FREM3: variants seen among roughly 807,000 people sequenced by gnomAD.
The protein encoded by FREM3 is FRAS1-related extracellular matrix protein 3.
Under a neutral mutation model 129.1 loss-of-function variants are expected in FREM3, and 105 were observed. That is an observed-to-expected ratio of 0.81 (90% CI 0.69 to 0.96). The LOEUF (loss-of-function observed/expected upper bound fraction) is 0.96, where lower values mean the gene tolerates loss of function less well. Among genes scored for constraint, FREM3 ranks in the 40% least tolerant of loss-of-function variants. FREM3 has a pLI of 0.00. For synonymous variants in FREM3, 1,014 were observed against 1,044.9 expected (o/e 0.97, Z 0.57); for missense variants, 2,593 against 2,666.3 (o/e 0.97, Z 0.61).
At chr4:143,683,259 G>A (rs1328098136) in intron 2 of FREM3, among the ~76,000 whole-genome samples, 2 of 152,172 alleles carry the variant, frequency 1.3e-5, no homozygotes, top group African/African-American at 4.8e-5. Flanking sequence ...TCTACTGCAA[G>A]AACAAACCAG....
intron 2 of FREM3, among the ~76,000 whole-genome samples, chr4:143,674,637 C>T (rs1740071585): frequency 6.6e-6 from 1 of 152,146 alleles, no homozygotes. Flanking sequence ...GTGCTGTTTT[C>T]AGCAAACCCA....
Position 143,695,683 on chromosome 4 carries a change from T to C in FREM3, c.4993A>G (p.Asn1665Asp). The change falls in exon 1 of 8, where the codon AAC becomes GAC. Residue 1665 changes from asparagine to aspartate, a missense_variant. Physicochemically the swap from Asn to Asp is conservative, Grantham distance 23. This residue lies in a region of FREM3 where 2,276 missense variants were observed against 2,267.2 expected (regional missense o/e 1.00). Transcript: ENST00000329798. ...CGCTTCAAGGCTGGGGCACCCCTGTTGGTAGTAATCTGGGGAAGCCTATTG... is the reference window on the plus strand; with the variant it reads ...CGCTTCAAGGCTGGGGCACCCCTGTCGGTAGTAATCTGGGGAAGCCTATTG... The part of the protein sequence containing the change: ...LDNRLPQITT[N>D]RGAPALKRLH... The C allele has an allele frequency of 1.3e-6, 2 of 1,537,230 alleles. No individual in the cohort carries two copies. Among genetic ancestry groups the C allele is most frequent in the East Asian group, 4.9e-5 (2 of 40,916 alleles).
chr4:143,698,801 T>G lies in FREM3; in HGVS notation c.1875A>C (p.Glu625Asp). Residue 625 changes from glutamate to aspartate, a missense_variant, in exon 1 of 8, where the codon GAA becomes GAC. By Grantham distance (45) the Glu-to-Asp change is conservative (BLOSUM62 2). Transcript: ENST00000329798. ...TTTCCATGTAGTGCCAGTCTTCATC[T>G]TCAGTTGAGAGAGGTAGTTCAGCCT... ...LQQAELPLST[E>D]DEDWHYMEKE... 1 of 1,537,716 alleles carries G rather than the reference T, an allele frequency of 6.5e-7. No individual in the cohort carries two copies.
intron 2 of FREM3, among the ~76,000 whole-genome samples, chr4:143,658,644 G>A (rs988714933): frequency 8.5e-5 from 13 of 152,230 alleles, no homozygotes; most frequent in African/African-American, 2.9e-4. Flanking sequence ...GGCGGCATGC[G>A]GCCCAGGATG....
At chr4:143,674,828 A>G in intron 2 of FREM3, among the ~76,000 whole-genome samples, 1 of 152,248 alleles carries the variant, frequency 6.6e-6, no homozygotes, top group East Asian at 1.9e-4. Context: ...GATCAATTCA[A>G]CAAGAAGAGC....
chr4:143,622,342 C>G (rs1157371871), intron 4 of FREM3, among the ~76,000 whole-genome samples: 4 of 151,232 alleles, frequency 2.6e-5, no homozygotes, highest in African/African-American at 9.7e-5. Flanking sequence ...GATCTGCCTG[C>G]CTCGGCCTCC....
intron 2 of FREM3, among the ~76,000 whole-genome samples, chr4:143,662,226 A>C (rs1309693725): frequency 6.6e-6 from 1 of 152,198 alleles, no homozygotes; most frequent in Non-Finnish European, 1.5e-5. Context: ...GTGGGCATTT[A>C]GTGCTACAAA....
At chr4:143,638,932 C>T (rs918412416) in intron 2 of FREM3, among the ~76,000 whole-genome samples, 1 of 152,138 alleles carries the variant, frequency 6.6e-6, no homozygotes, top group African/African-American at 2.4e-5. Flanking sequence ...TCACTTATTT[C>T]ATAGTCGATC....
rs1196064505 is a variant in FREM3 at position 143,697,884 on chromosome 4, G to A, written c.2792C>T (p.Pro931Leu). 3 of 1,537,892 alleles carry A rather than the reference G, an allele frequency of 2.0e-6. No individual in the cohort carries two copies. Among genetic ancestry groups the A allele is most frequent in the East Asian group, 4.9e-5 (2 of 40,914 alleles). Residue 931 changes from proline to leucine, a missense_variant, in exon 1 of 8, where the codon CCA becomes CTA. By Grantham distance (98) the Pro-to-Leu change is moderately conservative. Transcript: ENST00000329798. The part of the protein sequence containing the change: ...DGVHHIPITI[P>L]ISVHPNVANR... ...AGCCACATTGGGATGCACAGAAATT[G>A]GGATGGTGATGGGTATATGGTGCAC...
At chr4:143,639,049 T>C (rs758107591) in intron 2 of FREM3, among the ~76,000 whole-genome samples, 7 of 152,128 alleles carry the variant, frequency 4.6e-5, no homozygotes, top group Admixed American at 2.6e-4. Flanking sequence ...TATGTAAGGA[T>C]CCTTCTGTGT....
At chr4:143,652,009 A>G (rs1739519735) in intron 2 of FREM3, among the ~76,000 whole-genome samples, 1 of 152,176 alleles carries the variant, frequency 6.6e-6, no homozygotes, top group Non-Finnish European at 1.5e-5. Context: ...ACAAGTCCCT[A>G]GCTGTGTATA....
chr4:143,593,192 A>G (rs1191361530), intron 6 of FREM3, among the ~76,000 whole-genome samples: 3 of 151,990 alleles, frequency 2.0e-5, no homozygotes, highest in Non-Finnish European at 4.4e-5. Context: ...TTCCTCCTTT[A>G]GCTTGGAGTA....
chr4:143,594,185 C>T (rs768506392), intron 6 of FREM3, among the ~76,000 whole-genome samples: 6 of 152,210 alleles, frequency 3.9e-5, no homozygotes, highest in African/African-American at 7.2e-5. Flanking sequence ...CCGGGTGAGG[C>T]GATGCCTGGT....
chr4:143,659,435 T>TA (rs1739663350), intron 2 of FREM3, among the ~76,000 whole-genome samples: 4 of 152,210 alleles, frequency 2.6e-5, no homozygotes, highest in African/African-American at 9.7e-5. Context: ...GGCTGCATAG[T>TA]ATTCCATGGT....
At chr4:143,637,644 C>A (rs1368604884) in intron 2 of FREM3, among the ~76,000 whole-genome samples, 1 of 152,078 alleles carries the variant, frequency 6.6e-6, no homozygotes, top group Non-Finnish European at 1.5e-5. Flanking sequence ...GAGACTGCAA[C>A]ATTACAGGCT....
intron 2 of FREM3, among the ~76,000 whole-genome samples, chr4:143,650,615 T>G (rs1321854356): frequency 2.6e-5 from 4 of 152,214 alleles, no homozygotes; most frequent in African/African-American, 9.6e-5. Context: ...CTCAGCTTCC[T>G]GAGTAACTGG....
chr4:143,620,790 T>A (rs1738931867), intron 5 of FREM3, among the ~76,000 whole-genome samples: 1 of 152,224 alleles, frequency 6.6e-6, no homozygotes, highest in Admixed American at 6.5e-5. Context: ...CGTGGGGTAG[T>A]TAAAATAGAT....
chr4:143,688,863 A>G (rs1195409551), intron 2 of FREM3, among the ~76,000 whole-genome samples: 1 of 152,216 alleles, frequency 6.6e-6, no homozygotes, highest in Non-Finnish European at 1.5e-5. Context: ...CTCACCTTAT[A>G]CAAAAACCAA....
chr4:143,689,455 C>T (rs1426128607), intron 2 of FREM3, among the ~76,000 whole-genome samples: 1 of 152,118 alleles, frequency 6.6e-6, no homozygotes, highest in Admixed American at 6.5e-5. Flanking sequence ...AGTACAGCCA[C>T]TACAGAAAAT....
Sources: gnomAD v4.1 joint callset for allele counts (sites outside exome capture counted in the v4.1 genomes callset) on GRCh38, gnomAD v4.1.1 for gene constraint, gnomAD v4.1.1 regional missense constraint, MANE v1.5 for transcripts, NCBI Gene and HGNC (gene_info 2026-07-23, HGNC 2026-07-21) for gene names.